ZNF791: variants seen among roughly 807,000 people sequenced by gnomAD.
ZNF791 encodes the protein zinc finger protein 791.
Under a neutral mutation model 11.5 loss-of-function variants are expected in ZNF791, and 4 were observed. The ratio of observed to expected loss-of-function variants is 0.35; its 90% CI spans 0.17 to 0.80. The LOEUF is 0.80. Ranked by LOEUF, ZNF791 falls within the 30% of genes least tolerant of loss-of-function variation. The pLI, the probability that ZNF791 is intolerant of heterozygous loss-of-function variation, is 0.53. For missense variants in ZNF791, 559 were observed against 699.4 expected (o/e 0.80, Z 2.26); for synonymous variants, 212 against 228.1 (o/e 0.93, Z 0.64).
At position 12,629,112 on chromosome 19, in the gene ZNF791, A is replaced by C; in HGVS notation, c.1583A>C (p.Glu528Ala). Residue 528 changes from glutamate to alanine, a missense_variant, in exon 4 of 4, where the codon GAA (glutamate) becomes GCA (alanine). Transcript: ENST00000343325. ...GGAGAGAAACCCTATAAATGTAAAG[A>C]ATGTGGGAAGGCCTTTAGTCTTCAC... Reference protein sequence around the residue: ...HTGEKPYKCKECGKAFSLHSS... With the variant: ...HTGEKPYKCKACGKAFSLHSS... The C allele has an allele frequency of 6.2e-7, 1 of 1,605,340 alleles. No individual in the cohort carries two copies.
intron 1 of ZNF791, among the ~76,000 whole-genome samples, chr19:12,621,040 C>T (rs775509972): frequency 1.1e-4 from 17 of 152,086 alleles, no homozygotes; most frequent in Non-Finnish European, 1.9e-4. Context: ...GGATTACAGG[C>T]ATGAGCCATC....
intron 1 of ZNF791, among the ~76,000 whole-genome samples, chr19:12,611,298 C>T (rs1020430400): frequency 6.6e-6 from 1 of 152,212 alleles, no homozygotes; most frequent in Non-Finnish European, 1.5e-5. Context: ...CGTGCAGGGA[C>T]CACGGGAGGG....
chr19:12,615,002 C>T (rs1266068139), intron 1 of ZNF791, among the ~76,000 whole-genome samples: 2 of 115,274 alleles, frequency 1.7e-5, no homozygotes, highest in Non-Finnish European at 1.7e-5. Context: ...CCTTAGTCTC[C>T]TATGTTCAAC....
chr19:12,632,353 AGTT>A lies in ZNF791; in HGVS notation c.*3097_*3099del, dbSNP rs1437273095. ...AGTTTTAATTTGTGTATAGTTTTTCAGTTGTTCTCTGAATAAAGAGATTGTTGA... is the reference window on the plus strand; with the variant it reads ...AGTTTTAATTTGTGTATAGTTTTTCAGTTCTCTGAATAAAGAGATTGTTGA... On this transcript the variant is annotated 3_prime_UTR_variant, in exon 4 of 4. Coordinates refer to ENST00000343325, the MANE Select transcript of ZNF791 (RefSeq NM_153358.3). 1.3e-5 allele frequency: 2 copies of A among 151,840 alleles called. No individual in the cohort carries two copies. Among genetic ancestry groups the A allele is most frequent in the East Asian group, 1.9e-4 (1 of 5,190 alleles). 9.4% of individuals were successfully genotyped at this position (151,840 alleles called of 1,614,324 possible). A position where few individuals can be genotyped will look rare whatever the true frequency, so the allele number is the denominator to read the frequency against.
rs994418134 is a variant in ZNF791 at position 12,627,811 on chromosome 19, T to G, written c.282T>G (p.Thr94=). 1.9e-6 allele frequency: 3 copies of G among 1,614,176 alleles called. No individual in the cohort carries two copies. The highest frequency in any genetic ancestry group is 1.3e-5 in the African/African-American group (1 of 75,056). ...CCAATCTCAGTGTGACGAAGAAGACTGCCGGAGTAAAACCATATGAGTGTA... is the reference window on the plus strand; with the variant it reads ...CCAATCTCAGTGTGACGAAGAAGACGGCCGGAGTAAAACCATATGAGTGTA... ...FSPNLSVTKK[T]AGVKPYECTI... Residue 94 remains threonine (T), a synonymous_variant, in exon 4 of 4, where the codon ACT becomes ACG. Transcript: ENST00000343325.
intron 2 of ZNF791, 29 bp downstream of exon 2, chr19:12,623,855 C>T (rs113272212): frequency 0.1 from 50,322 of 490,958 alleles, 8,278 homozygotes; most frequent in Admixed American, 0.17. Context: ...TTTCTTTTTT[C>T]TTTTTTTTTT....
At chr19:12,620,069 G>A (rs993154337) in intron 1 of ZNF791, among the ~76,000 whole-genome samples, 1 of 151,732 alleles carries the variant, frequency 6.6e-6, no homozygotes, top group African/African-American at 2.4e-5. Flanking sequence ...GACTACAGGC[G>A]CCCGCCACGG....
Position 12,623,702 on chromosome 19 carries a change from C to T in ZNF791, c.6C>T (p.Asp2=), listed in dbSNP as rs2023385272. The stretch of plus-strand genomic sequence containing the variant: ...TCTACTTATATTGGATGTTTCAGGA[C>T]TCAGTGGCTTTTGAGGATGTGTCTG... M[D]SVAFEDVSVS... is the part of the protein sequence containing the mutation. Residue 2 remains aspartate (D), a splice_region_variant and synonymous_variant, in exon 2 of 4, where the codon GAC becomes GAT. Transcript: ENST00000343325. 1 of 1,614,082 alleles carries T rather than the reference C, an allele frequency of 6.2e-7. No homozygotes were observed. The highest frequency in any genetic ancestry group is 2.2e-5 in the East Asian group (1 of 44,882).
At position 12,628,581 on chromosome 19, in the gene ZNF791, C is replaced by G; in HGVS notation, c.1052C>G (p.Thr351Ser). 1.3e-6 allele frequency: 2 copies of G among 1,598,912 alleles called. No individual in the cohort carries two copies. Among genetic ancestry groups the G allele is most frequent in the Non-Finnish European group, 1.7e-6 (2 of 1,173,804 alleles). ...PAFRVHVRVH[T>S]GEKPYKCKEC... The stretch of plus-strand genomic sequence containing the variant: ...TTTCGAGTACACGTGAGAGTGCATA[C>G]TGGAGAGAAACCCTATAAGTGTAAA... Residue 351 changes from threonine (T) to serine (S), a missense_variant, in exon 4 of 4, where the codon ACT (threonine) becomes AGT (serine). Thr to Ser is a moderately conservative substitution (Grantham distance 58, BLOSUM62 1). Coordinates refer to ENST00000343325, the MANE Select transcript of ZNF791 (RefSeq NM_153358.3).
intron 1 of ZNF791, among the ~76,000 whole-genome samples, chr19:12,616,762 G>A (rs1041724203): frequency 7.4e-6 from 1 of 135,114 alleles, no homozygotes; most frequent in African/African-American, 2.6e-5. Flanking sequence ...AAGTGCTTTT[G>A]TGAAGATTTG....
At chr19:12,612,799 C>T in intron 1 of ZNF791, among the ~76,000 whole-genome samples, 1 of 130,400 alleles carries the variant, frequency 7.7e-6, no homozygotes, top group African/African-American at 2.9e-5. Flanking sequence ...TTAAGTAATT[C>T]TGCTGGATTT....
At position 12,628,952 on chromosome 19, in the gene ZNF791, A is replaced by G; in HGVS notation, c.1423A>G (p.Lys475Glu). 6.2e-7 allele frequency: 1 copy of G among 1,614,042 alleles called. No homozygotes were observed. Among genetic ancestry groups the G allele is most frequent in the Non-Finnish European group, 8.5e-7 (1 of 1,179,968 alleles). The change falls in exon 4 of 4, where the codon AAA (lysine) becomes GAA (glutamate). Residue 475 changes from lysine (K) to glutamate (E), a missense_variant. Coordinates refer to ENST00000343325, the MANE Select transcript of ZNF791 (RefSeq NM_153358.3). The part of the protein sequence containing the change: ...EKPYECKQCG[K>E]AFSCSSYIRI... ...ACCCTATGAATGTAAACAATGTGGA[A>G]AAGCCTTTAGTTGTTCTAGTTACAT...
At chr19:12,619,106 A>G (rs1470494044) in intron 1 of ZNF791, among the ~76,000 whole-genome samples, 1 of 151,982 alleles carries the variant, frequency 6.6e-6, no homozygotes, top group African/African-American at 2.4e-5. Context: ...GGCCTCCCAA[A>G]GTGCTAGGGA....
intron 1 of ZNF791, 49 bp from the exon 2 acceptor site, chr19:12,623,651 C>T (rs761959876): frequency 2.5e-5 from 40 of 1,611,068 alleles, no homozygotes; most frequent in Non-Finnish European, 3.1e-5. Context: ...GAGGATACCT[C>T]TCATCCTTGT....
At chr19:12,611,151 CT>C in intron 1 of ZNF791, 69 bp downstream of exon 1, 1 of 1,600,372 alleles carries the variant, frequency 6.2e-7, no homozygotes, top group Non-Finnish European at 8.5e-7. Context: ...CCACGGTCAC[CT>C]CCGGCCGCAG....
Position 12,628,414 on chromosome 19 carries a change from T to C in ZNF791, c.885T>C (p.Thr295=), listed in dbSNP as rs746634689. The change falls in exon 4 of 4, where the codon ACT becomes ACC. Residue 295 remains threonine, a synonymous_variant. Transcript: ENST00000343325. ...TACGAGTACATGAAAGAATTCACAC[T>C]GGAGAGAAACCCTATAAATGTAAAC... ...SFLRVHERIH[T]GEKPYKCKQC... 1 of 1,608,036 alleles carries C rather than the reference T, an allele frequency of 6.2e-7. No homozygotes were observed. The highest frequency in any genetic ancestry group is 8.5e-7 in the Non-Finnish European group (1 of 1,177,212).
intron 1 of ZNF791, among the ~76,000 whole-genome samples, chr19:12,613,676 A>T (rs1346743327): frequency 6.6e-6 from 1 of 152,152 alleles, no homozygotes; most frequent in Non-Finnish European, 1.5e-5. Context: ...GAGATAAGTG[A>T]TTCCAAGCTA....
intron 1 of ZNF791, among the ~76,000 whole-genome samples, chr19:12,622,407 C>CAAAA (rs1410283346): frequency 7.1e-5 from 2 of 28,048 alleles, no homozygotes; most frequent in African/African-American, 1.3e-4. Context: ...AAGACTGTCT[C>CAAAA]AAACAAAAAA....
intron 1 of ZNF791, among the ~76,000 whole-genome samples, chr19:12,615,059 G>T (rs563499571): frequency 1.7e-5 from 2 of 114,450 alleles, no homozygotes; most frequent in African/African-American, 3.6e-5. Flanking sequence ...CCACTCCGTC[G>T]CCCAGGCTGG....
Sources: gnomAD v4.1 joint callset for allele counts (sites outside exome capture counted in the v4.1 genomes callset) on GRCh38, gnomAD v4.1.1 for gene constraint, MANE v1.5 for transcripts, NCBI Gene and HGNC (gene_info 2026-07-23, HGNC 2026-07-21) for gene names.